Variants in CRY1 observed in about 807,000 individuals in gnomAD.
The protein encoded by CRY1 is cryptochrome circadian regulator 1.
A neutral mutation model predicts 76.0 loss-of-function variants in CRY1; 45 were observed. The observed-to-expected ratio is 0.59, with a 90% CI of 0.47 to 0.76. The LOEUF (loss-of-function observed/expected upper bound fraction) is 0.76. Among genes scored for constraint, CRY1 ranks in the 30% least tolerant of loss-of-function variants. CRY1 has a pLI of 0.00. For synonymous variants in CRY1, 248 were observed against 244.0 expected, an observed-to-expected ratio of 1.02 and a Z score of -0.15; for missense variants, 587 against 716.4, an observed-to-expected ratio of 0.82 and a Z score of 2.06.
intron 1 of CRY1, among the ~76,000 whole-genome samples, chr12:107,058,945 C>T (rs1953016883): frequency 6.6e-6 from 1 of 152,160 alleles, no homozygotes; most frequent in African/African-American, 2.4e-5. Flanking sequence ...TATATTAAGA[C>T]ACTGTAAGCA....
chr12:106,997,446 C>T, intron 9 of CRY1, 42 bp downstream of exon 9: 2 of 1,612,896 alleles, frequency 1.2e-6, no homozygotes, highest in Non-Finnish European at 1.7e-6. Flanking sequence ...AAGATAAGTA[C>T]ATAAACAGCT....
intron 1 of CRY1, among the ~76,000 whole-genome samples, chr12:107,041,941 A>C (rs1183871846): frequency 6.6e-6 from 1 of 152,194 alleles, no homozygotes; most frequent in African/African-American, 2.4e-5. Flanking sequence ...GGAAAGGAAA[A>C]CAGAAGATGA....
chr12:107,011,840 G>A lies in CRY1; in HGVS notation c.268-6592C>T, dbSNP rs141298151. 9.8e-5 allele frequency among the ~76,000 whole-genome samples: 15 copies of A among 152,362 alleles called. No homozygotes were observed. The East Asian group carries it at 2.9e-3, about 29-fold the overall frequency. ...TAAACTACAGATTTTCAGTGTTGAT[G>A]AAGCAGCCTTCTATTGGAAGAAGAT... is the stretch of plus-strand genomic sequence containing the variant. On this transcript the variant is annotated intron_variant, in intron 2 of 12. Transcript: ENST00000008527.
intron 1 of CRY1, among the ~76,000 whole-genome samples, chr12:107,067,924 C>T (rs953420498): frequency 4.6e-5 from 7 of 152,174 alleles, no homozygotes; most frequent in Non-Finnish European, 8.8e-5. Flanking sequence ...GAACAAGATC[C>T]AATCATCATT....
chr12:107,069,611 TAA>T (rs561494626), intron 1 of CRY1, among the ~76,000 whole-genome samples: 4,153 of 40,228 alleles, frequency 0.1, 292 homozygotes, highest in African/African-American at 0.19. Context: ...AGTATATATA[TAA>T]AAAGTATATA....
chr12:107,081,098 C>T (rs1391597771), intron 1 of CRY1, among the ~76,000 whole-genome samples: 1 of 152,048 alleles, frequency 6.6e-6, no homozygotes, highest in Non-Finnish European at 1.5e-5. Flanking sequence ...ATCTCTTCCA[C>T]TGAAGTTGTA....
rs1301447844 is a variant in CRY1, at chr12:107,023,265, T to C, written c.159-1073A>G. Reference sequence around the variant, plus strand: ...TTAAGAAGCAGGGAAATGCAAATTCTAGAAGTGCACTATCTAATATGGTAA... The same window carrying C: ...TTAAGAAGCAGGGAAATGCAAATTCCAGAAGTGCACTATCTAATATGGTAA... On this transcript the variant is annotated intron_variant, in intron 1 of 12. Coordinates refer to ENST00000008527, the MANE Select transcript of CRY1 (RefSeq NM_004075.5). Among the ~76,000 whole-genome samples, 5 of 152,220 alleles carry C rather than the reference T, an allele frequency of 3.3e-5. No homozygotes were observed. The East Asian group carries it at 9.6e-4, about 29-fold the overall frequency.
intron 4 of CRY1, 114 bp from the exon 5 acceptor site, chr12:107,001,482 G>T (rs1952310627): frequency 1.1e-6 from 1 of 898,242 alleles, no homozygotes; most frequent in South Asian, 1.7e-5. Context: ...CCATAAAAAT[G>T]AACTGAAGGC....
chr12:106,995,231 C>T (rs1441320642), intron 10 of CRY1, among the ~76,000 whole-genome samples: 1 of 152,180 alleles, frequency 6.6e-6, no homozygotes, highest in African/African-American at 2.4e-5. Context: ...GCAAAAATCC[C>T]TTACTATCTA....
intron 1 of CRY1, among the ~76,000 whole-genome samples, chr12:107,052,050 C>T (rs959778138): frequency 5.9e-5 from 9 of 152,028 alleles, no homozygotes; most frequent in African/African-American, 1.9e-4. Context: ...TTTTTCTGAC[C>T]TATGATATAA....
intron 2 of CRY1, among the ~76,000 whole-genome samples, chr12:107,010,940 A>C (rs902770505): frequency 6.6e-6 from 1 of 152,308 alleles, no homozygotes; most frequent in Middle Eastern, 3.4e-3. Flanking sequence ...AAATTAGGCC[A>C]GTTAGTAACC....
chr12:107,030,448 T>C (rs1476309322), intron 1 of CRY1, among the ~76,000 whole-genome samples: 2 of 152,186 alleles, frequency 1.3e-5, no homozygotes, highest in Non-Finnish European at 1.5e-5. Flanking sequence ...TAATCTAAGA[T>C]GTTTTAGGAA....
chr12:107,073,882 T>A (rs1181845183), intron 1 of CRY1, among the ~76,000 whole-genome samples: 1 of 152,200 alleles, frequency 6.6e-6, no homozygotes, highest in East Asian at 1.9e-4. Context: ...CTTCCTAGCT[T>A]CAGTCCCTGC....
chr12:107,022,778 C>T (rs1952572785), intron 1 of CRY1, among the ~76,000 whole-genome samples: 1 of 145,412 alleles, frequency 6.9e-6, no homozygotes, highest in South Asian at 2.2e-4. Flanking sequence ...AAAAAAGAAA[C>T]TAATAAGTAG....
chr12:107,048,312 C>T (rs1952873729), intron 1 of CRY1, among the ~76,000 whole-genome samples: 1 of 152,114 alleles, frequency 6.6e-6, no homozygotes, highest in Admixed American at 6.6e-5. Context: ...GAACTCTGGA[C>T]CTCATGATCC....
chr12:107,092,911 G>A lies in CRY1; in HGVS notation c.51C>T (p.Asp17=). ...GAATGCACTCCTTCAGGGCGGGGTTGTCGTGGAGCCGGAGCCCCTTTCGGA... is the reference window on the plus strand; with the variant it reads ...GAATGCACTCCTTCAGGGCGGGGTTATCGTGGAGCCGGAGCCCCTTTCGGA... ...HWFRKGLRLH[D]NPALKECIQG... Residue 17 remains aspartate, a synonymous_variant, in exon 1 of 13, where the codon GAC becomes GAT. Coordinates refer to ENST00000008527, the MANE Select transcript of CRY1 (RefSeq NM_004075.5). The A allele has an allele frequency of 6.2e-7, 1 of 1,607,278 alleles. No homozygotes were observed. The highest frequency in any genetic ancestry group is 1.3e-5 in the African/African-American group (1 of 74,888).
intron 2 of CRY1, among the ~76,000 whole-genome samples, chr12:107,007,724 C>T (rs1295591757): frequency 6.6e-6 from 1 of 151,968 alleles, no homozygotes; most frequent in Non-Finnish European, 1.5e-5. Flanking sequence ...AAGACAGGGT[C>T]TCACTGTATT....
chr12:107,031,982 T>G (rs1471815734), intron 1 of CRY1, among the ~76,000 whole-genome samples: 1 of 152,340 alleles, frequency 6.6e-6, no homozygotes, highest in East Asian at 1.9e-4. Flanking sequence ...TCGCCCAGGA[T>G]AGAGTGCAGT....
chr12:107,014,724 A>C (rs1410678573), intron 2 of CRY1, among the ~76,000 whole-genome samples: 1 of 152,074 alleles, frequency 6.6e-6, no homozygotes, highest in Non-Finnish European at 1.5e-5. Flanking sequence ...GCATTCTGTA[A>C]ATTTTGATAT....
Sources: allele counts gnomAD v4.1 joint callset (sites outside exome capture counted in the v4.1 genomes callset), GRCh38; gene constraint gnomAD v4.1.1; transcripts MANE v1.5; gene names NCBI Gene and HGNC (gene_info 2026-07-23, HGNC 2026-07-21).